OPCML: variants seen among roughly 807,000 people sequenced by gnomAD.
OPCML encodes opioid binding protein/cell adhesion molecule like.
OPCML carries 13 observed loss-of-function variants against 37.8 expected under a neutral mutation model. The ratio of observed to expected loss-of-function variants is 0.34; its 90% CI spans 0.22 to 0.55. The LOEUF (loss-of-function observed/expected upper bound fraction) is 0.55, where lower values mean the gene tolerates loss of function less well. OPCML is among the 20% of genes least tolerant of loss of function. The probability of loss-of-function intolerance (pLI) is 0.91; values close to 1 mark genes in which losing one functional copy is unlikely to be tolerated. For missense variants in OPCML, 341 were observed against 435.6 expected, an observed-to-expected ratio of 0.78 and a Z score of 1.93; for synonymous variants, 176 against 168.8, an observed-to-expected ratio of 1.04 and a Z score of -0.33.
intron 2 of OPCML, among the ~76,000 whole-genome samples, chr11:132,813,298 A>G (rs894063093): frequency 6.6e-6 from 1 of 152,226 alleles, no homozygotes. Flanking sequence ...AGCATTACTG[A>G]AGTCAGTCTT....
At position 133,177,918 on chromosome 11, in the gene OPCML, G is replaced by A. The variant is rs887476109; in HGVS notation, c.62-234908C>T. On this transcript the variant is annotated intron_variant, in intron 1 of 7. Coordinates refer to ENST00000524381, the MANE Select transcript of OPCML (RefSeq NM_001012393.5). The surrounding 1 kb of genome is among the most constrained non-coding windows in gnomAD (Gnocchi z 5.0). ...GTGGGCCATCTGGCCTCTTTCAAGAGGCCTCTGTTCTTTTGAACCACACTG... is the reference window on the plus strand; with the variant it reads ...GTGGGCCATCTGGCCTCTTTCAAGAAGCCTCTGTTCTTTTGAACCACACTG... 2.0e-5 allele frequency among the ~76,000 whole-genome samples: 3 copies of A among 152,216 alleles called. No homozygotes were observed. Among genetic ancestry groups the A allele is most frequent in the Non-Finnish European group, 2.9e-5 (2 of 68,044 alleles).
chr11:133,232,018 G>A (rs1324559391), intron 1 of OPCML, among the ~76,000 whole-genome samples: 1 of 151,948 alleles, frequency 6.6e-6, no homozygotes, highest in Non-Finnish European at 1.5e-5. Flanking sequence ...GCCTCCTCAG[G>A]AAGGACGAGG....
intron 1 of OPCML, among the ~76,000 whole-genome samples, chr11:133,354,010 G>T (rs955437984): frequency 2.6e-5 from 4 of 151,952 alleles, no homozygotes; most frequent in African/African-American, 7.3e-5. Context: ...TGCCTCTAGG[G>T]CTGCTATTCT....
intron 1 of OPCML, among the ~76,000 whole-genome samples, chr11:133,247,939 G>A (rs572576978): frequency 1.3e-5 from 2 of 152,130 alleles, no homozygotes; most frequent in Admixed American, 1.3e-4. Context: ...AGAAGGAATA[G>A]TTGCTAACAT....
chr11:133,518,800 G>A (rs553448372), intron 1 of OPCML, among the ~76,000 whole-genome samples: 1 of 151,534 alleles, frequency 6.6e-6, no homozygotes, highest in Non-Finnish European at 1.5e-5. Flanking sequence ...CTGGTGTGTT[G>A]GGGGCTGGGC....
At chr11:133,476,372 CT>C (rs10714776) in intron 1 of OPCML, among the ~76,000 whole-genome samples, 18,479 of 140,748 alleles carry the variant, frequency 0.13, 1,461 homozygotes, top group Admixed American at 0.21. Context: ...TCTACATACA[CT>C]TTTTGTACTC....
chr11:132,899,095 C>T (rs1170256568), intron 2 of OPCML, among the ~76,000 whole-genome samples: 1 of 152,060 alleles, frequency 6.6e-6, no homozygotes, highest in Non-Finnish European at 1.5e-5. Context: ...CCAGATTCCT[C>T]AGGAATAAAG....
chr11:133,407,853 G>C (rs1284173270), intron 1 of OPCML, among the ~76,000 whole-genome samples: 1 of 152,120 alleles, frequency 6.6e-6, no homozygotes, highest in African/African-American at 2.4e-5. Context: ...ATTCTCAAGG[G>C]AGTCAGGTCC....
At position 132,415,211 on chromosome 11, in the gene OPCML, CTT is replaced by C. The variant is rs1462316671; in HGVS notation, c.*4980_*4981del. ...TCTAGAAGGCTGACAAAGTCATACT[CTT>C]GTATCGTGTGATAAATTTTTAAAGC... On this transcript the variant is annotated 3_prime_UTR_variant, in exon 8 of 8. Coordinates refer to ENST00000524381, the MANE Select transcript of OPCML (RefSeq NM_001012393.5). 1 of 152,572 alleles carries C rather than the reference CTT, an allele frequency of 6.6e-6. No homozygotes were observed. Among genetic ancestry groups the C allele is most frequent in the Non-Finnish European group, 1.5e-5 (1 of 68,028 alleles). 9.5% of individuals were successfully genotyped at this position (152,572 alleles called of 1,614,324 possible).
intron 2 of OPCML, among the ~76,000 whole-genome samples, chr11:132,840,770 G>A (rs1941252193): frequency 6.6e-6 from 1 of 152,088 alleles, no homozygotes; most frequent in African/African-American, 2.4e-5. Context: ...TCTTTTTCAG[G>A]AGAACAGTAG....
chr11:133,334,531 A>G (rs910254347), intron 1 of OPCML, among the ~76,000 whole-genome samples: 4 of 152,192 alleles, frequency 2.6e-5, no homozygotes, highest in African/African-American at 7.2e-5. Flanking sequence ...AAAAGAAAAG[A>G]TAACTATTGG....
rs150655288 is a variant in OPCML, at chr11:132,520,702, G to GTGTA, written c.505+8358_505+8359insTACA. 5.4e-3 allele frequency among the ~76,000 whole-genome samples: 814 copies of GTGTA among 149,714 alleles called. 11 individuals are homozygous for GTGTA. The highest frequency in any genetic ancestry group is 0.018 in the African/African-American group (745 of 40,742). The stretch of plus-strand genomic sequence containing the variant: ...TGTGTGTGTGTGTGTGTGTGTGTGT[G>GTGTA]TATGCATATAGTATTATATATAAAG... On this transcript the variant is annotated intron_variant, in intron 4 of 7. Transcript: ENST00000524381.
At chr11:133,175,707 C>T (rs1053570877) in intron 1 of OPCML, among the ~76,000 whole-genome samples, 1 of 150,136 alleles carries the variant, frequency 6.7e-6, no homozygotes. Context: ...CTAGATGATC[C>T]GCATTAGATA....
chr11:132,468,377 C>T (rs1030929793), intron 4 of OPCML, among the ~76,000 whole-genome samples: 3 of 152,168 alleles, frequency 2.0e-5, no homozygotes, highest in Non-Finnish European at 2.9e-5. Flanking sequence ...TCCTGAACAA[C>T]TAGTGCCTTT....
At chr11:133,313,754 C>G (rs931785359) in intron 1 of OPCML, among the ~76,000 whole-genome samples, 2 of 152,102 alleles carry the variant, frequency 1.3e-5, no homozygotes, top group Non-Finnish European at 2.9e-5. Context: ...ACCATCCTAC[C>G]GACACCCTGA....
At chr11:133,050,401 A>T (rs1251030004) in intron 1 of OPCML, among the ~76,000 whole-genome samples, 2 of 152,116 alleles carry the variant, frequency 1.3e-5, no homozygotes, top group East Asian at 3.9e-4. Flanking sequence ...TGAGCAAATT[A>T]TTTCTACCCA....
At chr11:133,381,737 T>A (rs1018709503) in intron 1 of OPCML, among the ~76,000 whole-genome samples, 9 of 152,246 alleles carry the variant, frequency 5.9e-5, no homozygotes, top group African/African-American at 2.2e-4. Context: ...AAAGGATCTA[T>A]GATTCCAGGG....
intron 1 of OPCML, among the ~76,000 whole-genome samples, chr11:133,392,169 G>A (rs1001292082): frequency 6.6e-6 from 1 of 152,062 alleles, no homozygotes; most frequent in Non-Finnish European, 1.5e-5. Context: ...ATGAATTAAC[G>A]AATTTAATCT....
chr11:133,082,449 C>T (rs1358546784), intron 1 of OPCML, among the ~76,000 whole-genome samples: 4 of 105,684 alleles, frequency 3.8e-5, no homozygotes, highest in Admixed American at 8.7e-5. Flanking sequence ...TTTCTCTTCC[C>T]CTCCTCCCCA....
Sources: allele counts gnomAD v4.1 joint callset (sites outside exome capture counted in the v4.1 genomes callset), GRCh38; gene constraint gnomAD v4.1.1; non-coding constraint Gnocchi (gnomAD v3.1); transcripts MANE v1.5; gene names NCBI Gene and HGNC (gene_info 2026-07-23, HGNC 2026-07-21).